Variants in HERC3 observed in about 807,000 individuals in gnomAD.
The protein encoded by HERC3 is probable E3 ubiquitin-protein ligase HERC3.
In HERC3, 58 loss-of-function variants were observed where a neutral mutation model predicts 129.9. That is an observed-to-expected ratio of 0.45 (90% confidence interval 0.36 to 0.56). HERC3 has a LOEUF of 0.56. Among genes scored for constraint, HERC3 ranks in the 20% least tolerant of loss-of-function variants. The pLI, the probability that HERC3 is intolerant of heterozygous loss-of-function variation, is 0.00. For missense variants in HERC3, 835 were observed against 1,244.2 expected, an observed-to-expected ratio of 0.67 and a Z score of 4.95; for synonymous variants, 430 against 451.0, an observed-to-expected ratio of 0.95 and a Z score of 0.59.
chr4:88,674,980 A>G (rs1313156410), intron 16 of HERC3, among the ~76,000 whole-genome samples: 1 of 152,224 alleles, frequency 6.6e-6, no homozygotes, highest in South Asian at 2.1e-4. Flanking sequence ...TTCGCATACT[A>G]CTGATATAGT....
At chr4:88,683,622 T>C (rs1733059395) in intron 21 of HERC3, among the ~76,000 whole-genome samples, 1 of 152,226 alleles carries the variant, frequency 6.6e-6, no homozygotes, top group African/African-American at 2.4e-5. Flanking sequence ...CTTGATAGAA[T>C]TGCAAGACTG....
chr4:88,611,227 T>G (rs1278354533), intron 3 of HERC3, among the ~76,000 whole-genome samples: 1 of 152,236 alleles, frequency 6.6e-6, no homozygotes, highest in African/African-American at 2.4e-5. Context: ...CTCTCTCCAT[T>G]TAACTTTTTC....
intron 3 of HERC3, among the ~76,000 whole-genome samples, chr4:88,608,701 T>G (rs1178694707): frequency 6.6e-6 from 1 of 152,234 alleles, no homozygotes; most frequent in Non-Finnish European, 1.5e-5. Context: ...CTGTTAAAAC[T>G]CACTTGTGTC....
In HERC3 at chr4:88,670,267, A is replaced by T; in HGVS notation, c.1911+15A>T. ...AAGCAGGGATGGTAAGAATTCATAA[A>T]GCATATTTTAAAGCTTTAGTCTTTT... On this transcript the variant is annotated intron_variant, in intron 16 of 25. Transcript: ENST00000402738. 6.6e-7 allele frequency: 1 copy of T among 1,520,388 alleles called. No individual in the cohort carries two copies. The highest frequency in any genetic ancestry group is 9.1e-7 in the Non-Finnish European group (1 of 1,095,858). 94.2% of individuals were successfully genotyped at this position (1,520,388 alleles called of 1,614,324 possible).
At chr4:88,528,848 T>A in the HERC3 span, among the ~76,000 whole-genome samples, 1 of 152,206 alleles carries the variant, frequency 6.6e-6, no homozygotes, top group Admixed American at 6.5e-5. Context: ...TCAGCTAAGG[T>A]TTTGTTAATT....
the HERC3 span, among the ~76,000 whole-genome samples, chr4:88,562,352 A>AT: frequency 8.6e-5 from 13 of 151,892 alleles, no homozygotes; most frequent in African/African-American, 3.1e-4. Flanking sequence ...TTATTGGATT[A>AT]TTTTTTTCCT....
At chr4:88,524,796 A>G in the HERC3 span, 2 of 152,210 alleles carry the variant, frequency 1.3e-5, no homozygotes, top group East Asian at 3.9e-4. Context: ...AAAGATTCTC[A>G]TTAGTCATCC....
chr4:88,540,927 G>A, the HERC3 span, among the ~76,000 whole-genome samples: 1 of 152,124 alleles, frequency 6.6e-6, no homozygotes, highest in Non-Finnish European at 1.5e-5. Flanking sequence ...TGCCTTACAA[G>A]AGCTCCTGAA....
At chr4:88,694,000 G>T (rs980900742) in intron 23 of HERC3, among the ~76,000 whole-genome samples, 4 of 152,172 alleles carry the variant, frequency 2.6e-5, no homozygotes, top group Admixed American at 6.5e-5. Context: ...ATAAAGATTA[G>T]CCCAGTTAGG....
chr4:88,647,161 A>G (rs1052086151), intron 3 of HERC3, among the ~76,000 whole-genome samples: 2 of 152,086 alleles, frequency 1.3e-5, no homozygotes, highest in Non-Finnish European at 2.9e-5. Flanking sequence ...ATTGGAATCC[A>G]GGTGTTCCCT....
Position 88,680,108 on chromosome 4 carries a change from G to A in HERC3, c.2212G>A (p.Glu738Lys). 1 of 1,611,296 alleles carries A rather than the reference G, an allele frequency of 6.2e-7. No homozygotes were observed. The highest frequency in any genetic ancestry group is 8.5e-7 in the Non-Finnish European group (1 of 1,179,074). The stretch of plus-strand genomic sequence containing the variant: ...TTATTTTAAGGTAATCTTTGATGGT[G>A]AAGAAGCAGTGGATGCCGGTGGTGT... ...KKPLKVIFDGEEAVDAGGVTK... is the reference protein window; with the variant it reads ...KKPLKVIFDGKEAVDAGGVTK... Residue 738 changes from glutamate to lysine, a missense_variant, in exon 20 of 26, where the codon GAA (glutamate) becomes AAA (lysine). By Grantham distance (56) the Glu-to-Lys change is moderately conservative. Coordinates refer to ENST00000402738, the MANE Select transcript of HERC3 (RefSeq NM_014606.3).
intron 3 of HERC3, among the ~76,000 whole-genome samples, chr4:88,628,939 C>A (rs569955651): frequency 2.6e-5 from 4 of 152,014 alleles, no homozygotes; most frequent in African/African-American, 9.7e-5. Context: ...CTTGGGAGGC[C>A]GAGGCGGTTG....
intron 3 of HERC3, among the ~76,000 whole-genome samples, chr4:88,609,891 T>C (rs1724099212): frequency 1.3e-5 from 2 of 152,174 alleles, no homozygotes; most frequent in Non-Finnish European, 2.9e-5. Context: ...ATTTTTATGG[T>C]TATTTCTTGA....
chr4:88,604,079 G>A (rs1723338990), intron 2 of HERC3, among the ~76,000 whole-genome samples: 2 of 151,204 alleles, frequency 1.3e-5, no homozygotes, highest in Non-Finnish European at 2.9e-5. Context: ...GGAGTGCAAT[G>A]GCGTGACCTC....
chr4:88,656,263 T>C, intron 9 of HERC3: 1 of 524,868 alleles, frequency 1.9e-6, no homozygotes, highest in Non-Finnish European at 3.4e-6. Context: ...GTTCTTGCAT[T>C]GCTGTAAAGA....
chr4:88,540,738 G>A, the HERC3 span, among the ~76,000 whole-genome samples: 1 of 152,226 alleles, frequency 6.6e-6, no homozygotes, highest in Non-Finnish European at 1.5e-5. Flanking sequence ...CAGACTAACA[G>A]CAGATCTCTC....
the HERC3 span, among the ~76,000 whole-genome samples, chr4:88,546,453 C>A: frequency 2.0e-5 from 3 of 152,162 alleles, no homozygotes; most frequent in South Asian, 6.2e-4. Context: ...TTTAATGATT[C>A]TTTTATATAC....
chr4:88,649,718 A>C, intron 3 of HERC3, 122 bp from the exon 4 acceptor site: 1 of 736,646 alleles, frequency 1.4e-6, no homozygotes, highest in Middle Eastern at 3.9e-4. Flanking sequence ...ATCTCTATAA[A>C]TATTCAGATT....
chr4:88,597,041 T>C (rs1722477563), intron 2 of HERC3, among the ~76,000 whole-genome samples: 1 of 151,966 alleles, frequency 6.6e-6, no homozygotes, highest in East Asian at 1.9e-4. Flanking sequence ...GTTTTATGCA[T>C]GTGCCACACT....
Sources: gnomAD v4.1 joint callset for allele counts (sites outside exome capture counted in the v4.1 genomes callset) on GRCh38, gnomAD v4.1.1 for gene constraint, MANE v1.5 for transcripts, NCBI Gene and HGNC (gene_info 2026-07-23, HGNC 2026-07-21) for gene names.